Variants in GSS observed in about 807,000 individuals in gnomAD.
GSS encodes the protein glutathione synthetase.
GSS carries 34 observed loss-of-function variants against 60.4 expected under a neutral mutation model. The observed-to-expected ratio is 0.56, with a 90% CI of 0.43 to 0.75. The LOEUF (loss-of-function observed/expected upper bound fraction) is 0.75, where lower values mean the gene tolerates loss of function less well. Among genes scored for constraint, GSS ranks in the 30% least tolerant of loss-of-function variants. The pLI is 0.00. For synonymous variants in GSS, 224 were observed against 239.0 expected (o/e 0.94, Z 0.58); for missense variants, 499 against 595.1 (o/e 0.84, Z 1.68).
At chr20:34,930,829 G>A (rs2081395472) in intron 11 of GSS, among the ~76,000 whole-genome samples, 1 of 151,916 alleles carries the variant, frequency 6.6e-6, no homozygotes, top group African/African-American at 2.4e-5. Context: ...TCCCCCTCCA[G>A]CCTCACCAGT....
chr20:34,933,903 G>C (rs2081421173), intron 9 of GSS: 1 of 152,176 alleles, frequency 6.6e-6, no homozygotes, highest in Admixed American at 6.6e-5. Context: ...TCTTGGCCAG[G>C]TGTGGTGGCT....
In GSS at chr20:34,951,757, C is replaced by T. The variant is rs1162870906; in HGVS notation, c.96G>A (p.Leu32=). The T allele has an allele frequency of 6.2e-7, 1 of 1,612,186 alleles. No homozygotes were observed. Among genetic ancestry groups the T allele is most frequent in the Non-Finnish European group, 8.5e-7 (1 of 1,179,110 alleles). The change falls in exon 2 of 13, where the codon TTG becomes TTA. Residue 32 remains leucine, a synonymous_variant. Coordinates refer to ENST00000651619, the MANE Select transcript of GSS (RefSeq NM_000178.4). ...AAGTGGGCTCCTGTGAGGTCCTCAG[C>T]AATACTCCCTCAGCCAGGGCCCGGT... is the stretch of plus-strand genomic sequence containing the variant. ...AVDRALAEGV[L]LRTSQEPTSS...
chr20:34,943,171 A>G (rs998067741), intron 3 of GSS, among the ~76,000 whole-genome samples, 165 bp from the exon 4 acceptor site: 4 of 152,096 alleles, frequency 2.6e-5, no homozygotes, highest in African/African-American at 9.7e-5. Flanking sequence ...CCAACTCTAG[A>G]CCTGGGTTCA....
Position 34,931,946 on chromosome 20 carries a change from AG to A in GSS, c.1021del (p.Leu341TrpfsTer23). 6.2e-7 allele frequency: 1 copy of A among 1,613,876 alleles called. No homozygotes were observed. The highest frequency in any genetic ancestry group is 8.5e-7 in the Non-Finnish European group (1 of 1,179,930). On this transcript the variant is annotated frameshift_variant, in exon 10 of 13. Transcript: ENST00000651619. LOFTEE classifies it high-confidence loss of function. Reference protein sequence around the residue: ...LRATFAGLYSLDVGEEGDQAI... With the variant: ...LRATFAGLYSXDVGEEGDQAI... The stretch of plus-strand genomic sequence containing the variant: ...AACAGGCTGCCCACGTACCACATCC[AG>A]TGAGTAGAGGCCAGCAAAGGTGGCG...
At chr20:34,928,988 A>G in intron 12 of GSS, 37 bp from the exon 13 acceptor site, 2 of 1,612,060 alleles carry the variant, frequency 1.2e-6, no homozygotes, top group Non-Finnish European at 1.7e-6. Context: ...CATCACCTGG[A>G]CTCAGCCCCA....
At position 34,929,204 on chromosome 20, in the gene GSS, C is replaced by A. The variant is rs1000453675; in HGVS notation, c.1301+197G>T. ...CTTCTCATCAGGGCTTCATCTGATA[C>A]CCTGGTAAGGTGGGCAGGTCTTGGG... On this transcript the variant is annotated intron_variant, in intron 12 of 12. Coordinates refer to ENST00000651619, the MANE Select transcript of GSS (RefSeq NM_000178.4). 8.6e-6 allele frequency: 6 copies of A among 697,674 alleles called. No homozygotes were observed. In the African/African-American group the frequency reaches 1.1e-4, roughly 12 times the overall value. The allele number at this position is 697,674 out of a possible 1,614,324, so 43.2% of individuals were successfully genotyped here. A position where few individuals can be genotyped will look rare whatever the true frequency, so the allele number is the denominator to read the frequency against.
rs554075045 is a variant in GSS at position 34,945,302 on chromosome 20, C to T, written c.275+651G>A. On this transcript the variant is annotated intron_variant, in intron 3 of 12. Transcript: ENST00000651619. ...CCTCCCAAAGTGCTGGGATTACAGG[C>T]CTGAGCCACCGCGCCCAGCCTATAT... 4.6e-5 allele frequency among the ~76,000 whole-genome samples: 7 copies of T among 151,758 alleles called. No homozygotes were observed. The South Asian group carries it at 1.2e-3, about 27-fold the overall frequency.
rs773957955 is a variant in GSS, at chr20:34,931,985, A to G, written c.983T>C (p.Val328Ala). 6.2e-7 allele frequency: 1 copy of G among 1,614,196 alleles called. No individual in the cohort carries two copies. The highest frequency in any genetic ancestry group is 8.5e-7 in the Non-Finnish European group (1 of 1,180,028). The change falls in exon 10 of 13, where the codon GTG becomes GCG. Residue 328 changes from valine (V) to alanine (A), a missense_variant. Coordinates refer to ENST00000651619, the MANE Select transcript of GSS (RefSeq NM_000178.4). ...EMLLPGQPEAVARLRATFAGL... is the reference protein window; with the variant it reads ...EMLLPGQPEAAARLRATFAGL... ...AGCAAAGGTGGCGCGGAGGCGGGCC[A>G]CAGCCTCAGGCTGGCCAGGGAGCAA... is the stretch of plus-strand genomic sequence containing the variant.
intron 3 of GSS, among the ~76,000 whole-genome samples, chr20:34,945,112 C>T (rs1230668880): frequency 6.6e-6 from 1 of 151,612 alleles, no homozygotes; most frequent in East Asian, 1.9e-4. Context: ...CCTCTGCCTC[C>T]TGGGTTCAAG....
At chr20:34,939,261 G>C (rs1364837810) in intron 6 of GSS, among the ~76,000 whole-genome samples, 3 of 151,924 alleles carry the variant, frequency 2.0e-5, no homozygotes, top group Non-Finnish European at 4.4e-5. Flanking sequence ...AAAAAAATTG[G>C]TGTTAAAAAG....
rs1289288385 is a variant in GSS, at chr20:34,929,529, C to T, written c.1173G>A (p.Glu391=). ...QALKQLKDSE[E]RASYILMEKI... ...TCTCCATGAGGATGTAGGAGGCCCT[C>T]TCCTCACTGTCCTTCAGCTGTTTCA... Residue 391 remains glutamate (E), a synonymous_variant, in exon 12 of 13, where the codon GAG becomes GAA. Coordinates refer to ENST00000651619, the MANE Select transcript of GSS (RefSeq NM_000178.4). 2 of 1,613,598 alleles carry T rather than the reference C, an allele frequency of 1.2e-6. No homozygotes were observed. The highest frequency in any genetic ancestry group is 2.2e-5 in the East Asian group (1 of 44,894).
At chr20:34,931,465 G>A (rs1479742587) in intron 10 of GSS, 48 bp from the exon 11 acceptor site, 1 of 1,478,052 alleles carries the variant, frequency 6.8e-7, no homozygotes, top group Non-Finnish European at 9.5e-7. Flanking sequence ...GGCTAAAGAG[G>A]CAAGAAGCTT....
chr20:34,938,734 C>T (rs930963711), intron 6 of GSS, among the ~76,000 whole-genome samples: 2 of 152,212 alleles, frequency 1.3e-5, no homozygotes, highest in African/African-American at 4.8e-5. Context: ...GCTCAGAAAA[C>T]ATATTTGACC....
At chr20:34,942,378 G>A (rs1188661264) in intron 5 of GSS, 110 bp downstream of exon 5, 17 of 1,032,092 alleles carry the variant, frequency 1.6e-5, no homozygotes, top group East Asian at 7.2e-5. Flanking sequence ...CATGTGACCC[G>A]GGGCCCAGGA....
intron 8 of GSS, 114 bp downstream of exon 8, chr20:34,936,649 T>G (rs577141651): frequency 1.1e-6 from 1 of 873,186 alleles, no homozygotes; most frequent in African/African-American, 1.6e-5. Flanking sequence ...TCAGGAATTA[T>G]GAGAGAAGGA....
Position 34,928,921 on chromosome 20 carries a change from G to C in GSS, c.1332C>G (p.His444Gln). ...CTTTGGTTCGAAGTAGATGCCCCAC[G>C]TGCTTGTTCATCACGAGTGTCTTTT... ...RQEKTLVMNK[H>Q]VGHLLRTKAI... The change falls in exon 13 of 13, where the codon CAC becomes CAG. Residue 444 changes from histidine to glutamine, a missense_variant. By Grantham distance (24) the His-to-Gln change is conservative. Coordinates refer to ENST00000651619, the MANE Select transcript of GSS (RefSeq NM_000178.4). 6.2e-7 allele frequency: 1 copy of C among 1,613,644 alleles called. No individual in the cohort carries two copies. The highest frequency in any genetic ancestry group is 8.5e-7 in the Non-Finnish European group (1 of 1,179,974).
chr20:34,935,518 T>C, intron 9 of GSS, 58 bp downstream of exon 9: 1 of 1,145,816 alleles, frequency 8.7e-7, no homozygotes. Flanking sequence ...GAATTGGGTC[T>C]CTGTGGAGCT....
intron 12 of GSS, 174 bp downstream of exon 12, chr20:34,929,227 G>T: frequency 2.7e-6 from 2 of 729,862 alleles, no homozygotes; most frequent in Non-Finnish European, 4.8e-6. Context: ...GGCAGGTCTT[G>T]GGTCCTTGGC....
chr20:34,931,971 C>G lies in GSS; in HGVS notation c.997G>C (p.Ala333Pro), dbSNP rs746982487. 6.2e-7 allele frequency: 1 copy of G among 1,614,124 alleles called. No homozygotes were observed. Among genetic ancestry groups the G allele is most frequent in the African/African-American group, 1.3e-5 (1 of 75,060 alleles). The change falls in exon 10 of 13, where the codon GCC (alanine) becomes CCC (proline). Residue 333 changes from alanine (A) to proline (P), a missense_variant. Coordinates refer to ENST00000651619, the MANE Select transcript of GSS (RefSeq NM_000178.4). ...GQPEAVARLRATFAGLYSLDV... is the reference protein window; with the variant it reads ...GQPEAVARLRPTFAGLYSLDV... ...AGTGAGTAGAGGCCAGCAAAGGTGG[C>G]GCGGAGGCGGGCCACAGCCTCAGGC...
Sources: allele counts gnomAD v4.1 joint callset (sites outside exome capture counted in the v4.1 genomes callset), GRCh38; gene constraint gnomAD v4.1.1; transcripts MANE v1.5; gene names NCBI Gene and HGNC (gene_info 2026-07-23, HGNC 2026-07-21).